GHRHR: variants seen among roughly 807,000 people sequenced by gnomAD.
GHRHR encodes growth hormone releasing hormone receptor.
A neutral mutation model predicts 58.3 loss-of-function variants in GHRHR; 40 were observed. That is an observed-to-expected ratio of 0.69 (90% CI 0.53 to 0.89). The LOEUF (loss-of-function observed/expected upper bound fraction) is 0.89, where lower values mean the gene tolerates loss of function less well. GHRHR is among the 40% of genes least tolerant of loss of function. The pLI is 0.00. For synonymous variants in GHRHR, 249 were observed against 216.6 expected, an observed-to-expected ratio of 1.15 and a Z score of -1.31; for missense variants, 551 against 541.3, an observed-to-expected ratio of 1.02 and a Z score of -0.18.
chr7:30,977,284 TTCATTGTTG>T lies in GHRHR; in HGVS notation c.1109_1117del (p.Phe370_Ala373delinsSer). 6.2e-7 allele frequency: 1 copy of T among 1,614,104 alleles called. No individual in the cohort carries two copies. The highest frequency in any genetic ancestry group is 8.5e-7 in the Non-Finnish European group (1 of 1,179,952). ...TCTTTCTTCTTTGGACCCACAGGGC[TTCATTGTTG>T]CCATCCTCTACTGCTTCCTCAACCA... is the stretch of plus-strand genomic sequence containing the variant. On this transcript the variant is annotated inframe_deletion, in exon 12 of 13. Coordinates refer to ENST00000326139, the MANE Select transcript of GHRHR (RefSeq NM_000823.4).
Position 30,974,962 on chromosome 7 carries a change from T to C in GHRHR, c.813-9T>C. The C allele has an allele frequency of 6.2e-7, 1 of 1,600,580 alleles. No individual in the cohort carries two copies. The highest frequency in any genetic ancestry group is 8.6e-7 in the Non-Finnish European group (1 of 1,167,802). On this transcript the variant is annotated splice_polypyrimidine_tract_variant and intron_variant, in intron 8 of 12. Coordinates refer to ENST00000326139, the MANE Select transcript of GHRHR (RefSeq NM_000823.4). ...TTTCCAACAACGGCCTTCTTTCCTC[T>C]CTCCCCAGGTGCTGGGACCTGGACG...
chr7:30,971,272 G>A lies in GHRHR; in HGVS notation c.464+56G>A, dbSNP rs575933884. ...CTTCCTTGGCTCCTTATTTCCCAGA[G>A]GGTCAAGTCTGCTTCCTTGCCTACA... On this transcript the variant is annotated intron_variant, in intron 5 of 12. Transcript: ENST00000326139. 153 of 803,268 alleles carry A rather than the reference G, an allele frequency of 1.9e-4. No individual in the cohort carries two copies. The East Asian group carries it at 4.0e-3, about 21-fold the overall frequency. The allele number at this position is 803,268 out of a possible 1,614,324, so 49.8% of individuals were successfully genotyped here. A position where few individuals can be genotyped will look rare whatever the true frequency, so the allele number is the denominator to read the frequency against.
At chr7:30,971,468 A>G (rs1174936463) in intron 5 of GHRHR, among the ~76,000 whole-genome samples, 1 of 152,030 alleles carries the variant, frequency 6.6e-6, no homozygotes, top group Admixed American at 6.6e-5. Flanking sequence ...TTCTCAGTGT[A>G]TTTATAACTG....
At position 30,971,132 on chromosome 7, in the gene GHRHR, C is replaced by T. The variant is rs1053358760; in HGVS notation, c.380C>T (p.Ser127Phe). The T allele has an allele frequency of 3.4e-6, 5 of 1,466,044 alleles. No individual in the cohort carries two copies. In the East Asian group the frequency reaches 1.2e-4, roughly 36 times the overall value. 90.8% of individuals were successfully genotyped at this position (1,466,044 alleles called of 1,614,324 possible). A position where few individuals can be genotyped will look rare whatever the true frequency, so the allele number is the denominator to read the frequency against. Residue 127 changes from serine (S) to phenylalanine (F), a missense_variant, in exon 5 of 13, where the codon TCC becomes TTC. Coordinates refer to ENST00000326139, the MANE Select transcript of GHRHR (RefSeq NM_000823.4). ...TGCCCTTCCCAGGAATCTTACTTCT[C>T]CACAGTGAAGATTATCTACACCGTG... ...ELLAEEESYFSTVKIIYTVGH... is the reference protein window; with the variant it reads ...ELLAEEESYFFTVKIIYTVGH...
At position 30,975,763 on chromosome 7, in the gene GHRHR, G is replaced by A. The variant is rs1414671866; in HGVS notation, c.883-14G>A. On this transcript the variant is annotated splice_polypyrimidine_tract_variant and intron_variant, in intron 9 of 12. Coordinates refer to ENST00000326139, the MANE Select transcript of GHRHR (RefSeq NM_000823.4). The stretch of plus-strand genomic sequence containing the variant: ...TGACCCTTGTCTTCCACCTTCCTAT[G>A]CCTCTATTTCCAGGTGAACTTTGGG... 6.5e-7 allele frequency: 1 copy of A among 1,528,700 alleles called. No individual in the cohort carries two copies. Among genetic ancestry groups the A allele is most frequent in the East Asian group, 2.2e-5 (1 of 44,460 alleles). 94.7% of individuals were successfully genotyped at this position (1,528,700 alleles called of 1,614,324 possible). A position where few individuals can be genotyped will look rare whatever the true frequency, so the allele number is the denominator to read the frequency against.
intron 1 of GHRHR, among the ~76,000 whole-genome samples, chr7:30,967,472 A>G (rs1307944536): frequency 1.3e-5 from 2 of 152,164 alleles, no homozygotes. Flanking sequence ...TAAAACTATA[A>G]TCTTTCAAGG....
At chr7:30,970,913 C>A in intron 4 of GHRHR, 1 of 637,826 alleles carries the variant, frequency 1.6e-6, no homozygotes, top group Non-Finnish European at 2.8e-6. Context: ...CTACCCCTCC[C>A]TCACCCGCAG....
chr7:30,977,925 A>G (rs748417180), intron 12 of GHRHR, among the ~76,000 whole-genome samples: 2 of 152,234 alleles, frequency 1.3e-5, no homozygotes, highest in Non-Finnish European at 2.9e-5. Flanking sequence ...ACAGAGACTG[A>G]CGCAAAGTGA....
chr7:30,973,928 T>C (rs902192611), intron 6 of GHRHR, 57 bp from the exon 7 acceptor site: 24 of 1,561,760 alleles, frequency 1.5e-5, no homozygotes, highest in Non-Finnish European at 2.1e-5. Flanking sequence ...TAGAGGAGAC[T>C]GGGATGGGGC....
chr7:30,968,751 T>C, intron 1 of GHRHR, 83 bp from the exon 2 acceptor site: 3 of 874,666 alleles, frequency 3.4e-6, no homozygotes, highest in Non-Finnish European at 5.8e-6. Flanking sequence ...TCAGGCCTTG[T>C]CCCTGTTCTC....
At chr7:30,966,165 C>T (rs913309347) in intron 1 of GHRHR, among the ~76,000 whole-genome samples, 4 of 152,088 alleles carry the variant, frequency 2.6e-5, no homozygotes, top group African/African-American at 9.7e-5. Context: ...GGCTGGCTCT[C>T]CAGATTTTCT....
At chr7:30,966,907 G>C (rs2128596672) in intron 1 of GHRHR, among the ~76,000 whole-genome samples, 1 of 152,308 alleles carries the variant, frequency 6.6e-6, no homozygotes, top group East Asian at 1.9e-4. Flanking sequence ...CTCCCAAAGT[G>C]CTGGGATTAC....
At chr7:30,974,348 T>C (rs1792535192) in intron 7 of GHRHR, 81 bp from the exon 8 acceptor site, 1 of 1,155,018 alleles carries the variant, frequency 8.7e-7, no homozygotes, top group African/African-American at 1.5e-5. Flanking sequence ...ACGTGGCTGA[T>C]GGTGGTGGTG....
intron 1 of GHRHR, among the ~76,000 whole-genome samples, chr7:30,967,535 A>G (rs897101793): frequency 6.6e-6 from 1 of 152,072 alleles, no homozygotes; most frequent in Non-Finnish European, 1.5e-5. Flanking sequence ...ATGAAGCCAC[A>G]CATCCATCCT....
chr7:30,976,762 A>G (rs960985136), intron 11 of GHRHR, among the ~76,000 whole-genome samples: 3 of 151,972 alleles, frequency 2.0e-5, no homozygotes, highest in African/African-American at 7.2e-5. Context: ...CCATCCATCC[A>G]TGCATCCATC....
At chr7:30,969,783 G>A (rs1416704604) in intron 3 of GHRHR, 84 bp from the exon 4 acceptor site, 8 of 1,325,628 alleles carry the variant, frequency 6.0e-6, no homozygotes, top group Non-Finnish European at 7.6e-6. Context: ...CCCTGCCAGG[G>A]TCACTTGATG....
chr7:30,974,416 T>C lies in GHRHR; in HGVS notation c.752-13T>C, dbSNP rs777134442. On this transcript the variant is annotated splice_polypyrimidine_tract_variant and intron_variant, in intron 7 of 12. Transcript: ENST00000326139. ...CAGACTCCCTCGCTTGTGTCTTCCC[T>C]GTACTCCTGTAGGGCTGCCCGTGCT... 25 of 1,597,976 alleles carry C rather than the reference T, an allele frequency of 1.6e-5. No homozygotes were observed. The highest frequency in any genetic ancestry group is 2.1e-5 in the Non-Finnish European group (25 of 1,165,404).
intron 1 of GHRHR, among the ~76,000 whole-genome samples, chr7:30,966,730 C>T (rs1473674588): frequency 1.3e-5 from 2 of 152,116 alleles, no homozygotes; most frequent in Non-Finnish European, 2.9e-5. Context: ...GTAACCTCCG[C>T]CTCCTGGGTT....
intron 7 of GHRHR, 75 bp downstream of exon 7, chr7:30,974,213 C>T (rs2128598281): frequency 6.9e-7 from 1 of 1,442,732 alleles, no homozygotes; most frequent in Non-Finnish European, 9.7e-7. Context: ...ACATAAAGGC[C>T]CCTCCACCTC....
Sources: gnomAD v4.1 joint callset for allele counts (sites outside exome capture counted in the v4.1 genomes callset) on GRCh38, gnomAD v4.1.1 for gene constraint, MANE v1.5 for transcripts, NCBI Gene and HGNC (gene_info 2026-07-23, HGNC 2026-07-21) for gene names.